HYDIN: variants seen among roughly 807,000 people sequenced by gnomAD.
HYDIN encodes the protein HYDIN axonemal central pair apparatus protein, also known as axonemal central pair apparatus protein HYDIN.
A neutral mutation model predicts 403.9 loss-of-function variants in HYDIN; 132 were observed. The observed-to-expected ratio is 0.33, with a 90% CI of 0.28 to 0.38. The LOEUF is 0.38. Ranked by LOEUF, HYDIN falls within the 10% of genes least tolerant of loss-of-function variation. The pLI is 1.00. For synonymous variants in HYDIN, 1,202 were observed against 1,891.7 expected, an observed-to-expected ratio of 0.64 and a Z score of 9.46; for missense variants, 2,827 against 5,009.5, an observed-to-expected ratio of 0.56 and a Z score of 13.15.
At chr16:71,023,888 AG>A (rs1295936505) in intron 21 of HYDIN, among the ~76,000 whole-genome samples, 3 of 151,978 alleles carry the variant, frequency 2.0e-5, no homozygotes, top group Non-Finnish European at 4.4e-5. Flanking sequence ...GCAAACCTCC[AG>A]GTAATGAAAG....
At chr16:70,830,856 C>T (rs1270953667) in intron 80 of HYDIN, among the ~76,000 whole-genome samples, 1 of 152,012 alleles carries the variant, frequency 6.6e-6, no homozygotes, top group Non-Finnish European at 1.5e-5. Flanking sequence ...TTTGAGATGC[C>T]TATTCGTCAA....
Position 71,107,432 on chromosome 16 carries a change from G to A in HYDIN, c.1327+8264C>T, listed in dbSNP as rs188605740. The stretch of plus-strand genomic sequence containing the variant: ...ATTTGCAAACTATGCATCTGACAAA[G>A]ATTTAAAATCCAGCATCTATAAGGA... On this transcript the variant is annotated intron_variant, in intron 10 of 85. Coordinates refer to ENST00000393567, the MANE Select transcript of HYDIN (RefSeq NM_001270974.2). Among the ~76,000 whole-genome samples the A allele has an allele frequency of 2.3e-3, 348 of 150,614 alleles. 3 individuals are homozygous for A. The highest frequency in any genetic ancestry group is 7.9e-3 in the African/African-American group (324 of 40,990).
In HYDIN at chr16:70,879,335, G is replaced by A. The variant is rs1427724462; in HGVS notation, c.10519C>T (p.Pro3507Ser). 14 of 1,480,660 alleles carry A rather than the reference G, an allele frequency of 9.5e-6. No homozygotes were observed. The highest frequency in any genetic ancestry group is 1.3e-5 in the Non-Finnish European group (14 of 1,074,912). The allele number at this position is 1,480,660 out of a possible 1,614,324, so 91.7% of individuals were successfully genotyped here. ...ACACCATTGTTCTTGAGGATGAGAG[G>A]CAGCTTCTCTGAATGACCAAGGAGA... Reference protein sequence around the residue: ...RLLLGHSEKLPLILKNNGVLP... With the variant: ...RLLLGHSEKLSLILKNNGVLP... The change falls in exon 62 of 86, where the codon CCT (proline) becomes TCT (serine). Residue 3507 changes from proline to serine, a missense_variant. By Grantham distance (74) the Pro-to-Ser change is moderately conservative. Transcript: ENST00000393567.
intron 65 of HYDIN, among the ~76,000 whole-genome samples, chr16:70,869,783 G>A (rs1043483635): frequency 1.4e-4 from 22 of 151,776 alleles, no homozygotes; most frequent in Admixed American, 3.3e-4. Flanking sequence ...ATAGTGAGTG[G>A]GCACTGCTGT....
chr16:70,896,605 C>A (rs1342251655), intron 53 of HYDIN, among the ~76,000 whole-genome samples: 2 of 150,446 alleles, frequency 1.3e-5, no homozygotes, highest in Non-Finnish European at 2.9e-5. Flanking sequence ...ATCCTCCCGT[C>A]TCAGCCTCCA....
chr16:70,969,714 G>A (rs1364087552), intron 36 of HYDIN, among the ~76,000 whole-genome samples: 4 of 152,278 alleles, frequency 2.6e-5, no homozygotes, highest in Middle Eastern at 3.4e-3. Context: ...AGTAAAAAGA[G>A]AGACAAATAT....
Position 70,809,867 on chromosome 16 carries a change from G to C in HYDIN, c.14799C>G (p.His4933Gln), listed in dbSNP as rs1335383169. 3 of 1,614,252 alleles carry C rather than the reference G, an allele frequency of 1.9e-6. No individual in the cohort carries two copies. The highest frequency in any genetic ancestry group is 2.5e-6 in the Non-Finnish European group (3 of 1,180,038). Reference protein sequence around the residue: ...ATPALPEKPVHFQTVLGSSQI... With the variant: ...ATPALPEKPVQFQTVLGSSQI... The stretch of plus-strand genomic sequence containing the variant: ...GGCTGCTGCCAAGGACAGTCTGGAA[G>C]TGAACAGGCTTTTCCGGAAGTGCTG... The change falls in exon 85 of 86, where the codon CAC (histidine) becomes CAG (glutamine). Residue 4933 changes from histidine (H) to glutamine (Q), a missense_variant. By Grantham distance (24) the His-to-Gln change is conservative. Coordinates refer to ENST00000393567, the MANE Select transcript of HYDIN (RefSeq NM_001270974.2).
chr16:71,026,748 T>C (rs1457296153), intron 20 of HYDIN, among the ~76,000 whole-genome samples: 1 of 152,232 alleles, frequency 6.6e-6, no homozygotes, highest in Non-Finnish European at 1.5e-5. Flanking sequence ...AATAATCTAA[T>C]GAAATAAAGT....
chr16:70,843,322 T>C (rs1183303353), intron 75 of HYDIN, among the ~76,000 whole-genome samples: 1 of 145,346 alleles, frequency 6.9e-6, no homozygotes, highest in African/African-American at 2.6e-5. Context: ...GATAGTTTAC[T>C]GAGAATGATG....
At position 70,818,412 on chromosome 16, in the gene HYDIN, G is replaced by T; in HGVS notation, c.14588C>A (p.Thr4863Asn). The change falls in exon 84 of 86, where the codon ACC (threonine) becomes AAC (asparagine). Residue 4863 changes from threonine to asparagine, a missense_variant. Physicochemically the swap from Thr to Asn is moderately conservative, Grantham distance 65. Transcript: ENST00000393567. ...GGGCATCCGGCATTCCGTGGAGAAG[G>T]TCACCGAGTAGGGCAGAGGGTTCTC... ...KLENPLPYSV[T>N]FSTECRMPDI... 7 of 1,613,540 alleles carry T rather than the reference G, an allele frequency of 4.3e-6. No individual in the cohort carries two copies. Among genetic ancestry groups the T allele is most frequent in the Non-Finnish European group, 5.9e-6 (7 of 1,179,744 alleles).
At chr16:71,058,873 T>C (rs984600510) in intron 18 of HYDIN, among the ~76,000 whole-genome samples, 138 of 152,006 alleles carry the variant, frequency 9.1e-4, no homozygotes, top group Non-Finnish European at 1.6e-3. Flanking sequence ...CTCAGCCTAC[T>C]TAATGTGAAG....
intron 53 of HYDIN, among the ~76,000 whole-genome samples, chr16:70,896,656 G>GTTTT (rs60309404): frequency 1.6e-5 from 2 of 125,712 alleles, no homozygotes; most frequent in Non-Finnish European, 3.4e-5. Context: ...ATGCCCAACT[G>GTTTT]TTTTTTTTTT....
chr16:71,188,455 G>A (rs2087262136), intron 1 of HYDIN, among the ~76,000 whole-genome samples: 1 of 152,062 alleles, frequency 6.6e-6, no homozygotes, highest in South Asian at 2.1e-4. Context: ...AACAACAGAA[G>A]CAATAAAAAA....
chr16:71,047,334 T>C (rs1397211911), intron 18 of HYDIN, among the ~76,000 whole-genome samples: 1 of 152,100 alleles, frequency 6.6e-6, no homozygotes, highest in Non-Finnish European at 1.5e-5. Context: ...ACTCTATCAA[T>C]AGCTTTCTTT....
chr16:70,992,721 T>A (rs1238502956), intron 23 of HYDIN, among the ~76,000 whole-genome samples: 1 of 151,918 alleles, frequency 6.6e-6, no homozygotes, highest in Non-Finnish European at 1.5e-5. Context: ...CCTCCTACAA[T>A]GTGACCTCAG....
chr16:70,837,898 A>G lies in HYDIN; in HGVS notation c.13044-10T>C, dbSNP rs761866252. ...GTACAGACAATCTATGCTGCAGAAA[A>G]TCAAGAGGAAGAGGCGTAAGCTCCA... On this transcript the variant is annotated splice_polypyrimidine_tract_variant and intron_variant, in intron 76 of 85. Coordinates refer to ENST00000393567, the MANE Select transcript of HYDIN (RefSeq NM_001270974.2). The G allele has an allele frequency of 6.2e-7, 1 of 1,610,366 alleles. No individual in the cohort carries two copies. Among genetic ancestry groups the G allele is most frequent in the Non-Finnish European group, 8.5e-7 (1 of 1,177,076 alleles).
intron 1 of HYDIN, among the ~76,000 whole-genome samples, chr16:71,230,310 G>A (rs914038536): frequency 2.2e-4 from 34 of 152,192 alleles, no homozygotes; most frequent in African/African-American, 5.8e-4. Context: ...AGTTGGAAGC[G>A]AGGCAGCACC....
rs531553273 is a variant in HYDIN at position 70,807,942 on chromosome 16, T to C, written c.15004A>G (p.Ile5002Val). 1 of 1,614,144 alleles carries C rather than the reference T, an allele frequency of 6.2e-7. No homozygotes were observed. The highest frequency in any genetic ancestry group is 1.3e-5 in the African/African-American group (1 of 75,024). Residue 5002 changes from isoleucine (I) to valine (V), a missense_variant, in exon 86 of 86, where the codon ATC (isoleucine) becomes GTC (valine). Transcript: ENST00000393567. ...CCTGCGAGCGATGATAGGATCAGGA[T>C]GCCCTTGGTCTCACCCAGGTGGCTG... Reference protein sequence around the residue: ...EPSHLGETKGILILSSLAGGE... With the variant: ...EPSHLGETKGVLILSSLAGGE...
In HYDIN at chr16:70,981,239, A is replaced by T. The variant is rs2079036287; in HGVS notation, c.4510+152T>A. On this transcript the variant is annotated intron_variant, in intron 29 of 85. Coordinates refer to ENST00000393567, the MANE Select transcript of HYDIN (RefSeq NM_001270974.2). ...GACGATTTCTTGTCGCAGTAAACTC[A>T]GGTCACCAATTTGGCAATTGCAGAA... 1.2e-5 allele frequency: 15 copies of T among 1,245,574 alleles called. No individual in the cohort carries two copies. The South Asian group carries it at 2.3e-4, about 19-fold the overall frequency. The allele number at this position is 1,245,574 out of a possible 1,614,324, so 77.2% of individuals were successfully genotyped here. A position where few individuals can be genotyped will look rare whatever the true frequency, so the allele number is the denominator to read the frequency against.
Sources: gnomAD v4.1 joint callset for allele counts (sites outside exome capture counted in the v4.1 genomes callset) on GRCh38, gnomAD v4.1.1 for gene constraint, MANE v1.5 for transcripts, NCBI Gene and HGNC (gene_info 2026-07-23, HGNC 2026-07-21) for gene names.